Variants in SMG1 observed in about 807,000 individuals in gnomAD.
SMG1 encodes SMG1 nonsense mediated mRNA decay associated PI3K related kinase.
In SMG1, 22 loss-of-function variants were observed where a neutral mutation model predicts 419.9. The ratio of observed to expected loss-of-function variants is 0.05; its 90% confidence interval spans 0.04 to 0.07. The LOEUF is 0.07. Among genes scored for constraint, SMG1 ranks in the 10% least tolerant of loss-of-function variants. SMG1 has a pLI of 1.00. For missense variants in SMG1, 3,185 were observed against 4,342.0 expected (o/e 0.73, Z 7.49); for synonymous variants, 1,538 against 1,553.5 (o/e 0.99, Z 0.23).
In SMG1 at chr16:18,926,290, A is replaced by C; in HGVS notation, c.-249T>G. On this transcript the variant is annotated 5_prime_UTR_variant, in exon 1 of 63. Coordinates refer to ENST00000446231, the MANE Select transcript of SMG1 (RefSeq NM_015092.5). ...GAGCGGCGCGGTGAGAGAGAGGCGG[A>C]TGAAGGGGAGGCGACGTCTTTTCCA... 2.0e-6 allele frequency: 1 copy of C among 497,036 alleles called. No homozygotes were observed. Among genetic ancestry groups the C allele is most frequent in the Non-Finnish European group, 3.5e-6 (1 of 283,760 alleles). The allele number at this position is 497,036 out of a possible 1,614,324, so 30.8% of individuals were successfully genotyped here. A position where few individuals can be genotyped will look rare whatever the true frequency, so the allele number is the denominator to read the frequency against.
At chr16:18,844,919 A>C (rs954656660) in intron 39 of SMG1, among the ~76,000 whole-genome samples, 8 of 152,312 alleles carry the variant, frequency 5.3e-5, no homozygotes, top group Admixed American at 2.0e-4. Context: ...CAAAATATAA[A>C]AGATAAGGAT....
chr16:18,893,320 T>C (rs1394808923), intron 3 of SMG1, among the ~76,000 whole-genome samples: 1 of 152,232 alleles, frequency 6.6e-6, no homozygotes, highest in African/African-American at 2.4e-5. Flanking sequence ...ATAATAAAGA[T>C]GCCTTTAAAA....
rs536445713 is a variant in SMG1, at chr16:18,828,325, G to A, written c.9604-157C>T. On this transcript the variant is annotated intron_variant, in intron 54 of 62. Transcript: ENST00000446231. Reference sequence around the variant, plus strand: ...GGAGAAGTAACAGAAAAGACACACTGAAAAAAATCACATCCAGGTGAAAGA... The same window carrying A: ...GGAGAAGTAACAGAAAAGACACACTAAAAAAAATCACATCCAGGTGAAAGA... 3.3e-5 allele frequency among the ~76,000 whole-genome samples: 5 copies of A among 152,242 alleles called. No individual in the cohort carries two copies. The East Asian group carries it at 7.7e-4, about 23-fold the overall frequency.
chr16:18,816,827 A>G (rs1341204152), intron 57 of SMG1, among the ~76,000 whole-genome samples: 1 of 152,182 alleles, frequency 6.6e-6, no homozygotes, highest in African/African-American at 2.4e-5. Context: ...CCTAAATTCT[A>G]AATAACTCTT....
rs1555507998 is a variant in SMG1 at position 18,921,154 on chromosome 16, AAGAG to A, written c.92+4792_92+4795del. On this transcript the variant is annotated intron_variant, in intron 1 of 62. Coordinates refer to ENST00000446231, the MANE Select transcript of SMG1 (RefSeq NM_015092.5). ...CTCTGTCTCAAAAAAAAAAAAAAAA[AAGAG>A]AGAGAGAGAGAGGAAAAATAAATAA... Among the ~76,000 whole-genome samples, 1,097 of 143,444 alleles carry A rather than the reference AAGAG, an allele frequency of 7.6e-3. 5 individuals carry two copies. The highest frequency in any genetic ancestry group is 0.012 in the Non-Finnish European group (788 of 66,278). The allele number at this position is 143,444 out of a possible 152,430, so 94.1% of individuals were successfully genotyped here. A position where few individuals can be genotyped will look rare whatever the true frequency, so the allele number is the denominator to read the frequency against.
chr16:18,894,272 CTTAAAAG>C (rs2037016800), intron 3 of SMG1, among the ~76,000 whole-genome samples: 2 of 151,718 alleles, frequency 1.3e-5, no homozygotes, highest in South Asian at 4.2e-4. Context: ...GTATCCTGAA[CTTAAAAG>C]TTAAAAAAAA....
rs1290994058 is a variant in SMG1, at chr16:18,869,842, G to A, written c.2633+12C>T. On this transcript the variant is annotated intron_variant, in intron 19 of 62. Transcript: ENST00000446231. ...ATGTTTCCCAGATAAAAGAGTCAAAGAAATGCCTTACCCTGTTCTATGAGA... is the reference window on the plus strand; with the variant it reads ...ATGTTTCCCAGATAAAAGAGTCAAAAAAATGCCTTACCCTGTTCTATGAGA... The A allele has an allele frequency of 1.3e-6, 2 of 1,581,402 alleles. No homozygotes were observed. The highest frequency in any genetic ancestry group is 2.2e-5 in the South Asian group (2 of 90,424).
chr16:18,922,839 G>C (rs1428148954), intron 1 of SMG1, among the ~76,000 whole-genome samples: 2 of 152,022 alleles, frequency 1.3e-5, no homozygotes, highest in Non-Finnish European at 2.9e-5. Flanking sequence ...CAACACTTTG[G>C]GAGACTGAAG....
intron 46 of SMG1, 81 bp downstream of exon 46, chr16:18,837,172 C>G: frequency 8.2e-7 from 1 of 1,222,582 alleles, no homozygotes; most frequent in East Asian, 2.5e-5. Context: ...TACAATAATT[C>G]TAATCCATAT....
chr16:18,847,733 C>G (rs764759034), intron 37 of SMG1, 83 bp downstream of exon 37: 7 of 1,564,420 alleles, frequency 4.5e-6, no homozygotes, highest in Non-Finnish European at 6.1e-6. Flanking sequence ...GAACCCTGAC[C>G]AGTGATTGTC....
chr16:18,900,563 C>T (rs2037308352), intron 1 of SMG1, among the ~76,000 whole-genome samples: 1 of 152,056 alleles, frequency 6.6e-6, no homozygotes, highest in African/African-American at 2.4e-5. Context: ...ATAAAGCACC[C>T]CAAAATGACT....
rs1244136601 is a variant in SMG1 at position 18,849,392 on chromosome 16, A to T, written c.5462-14T>A. 4 of 1,604,814 alleles carry T rather than the reference A, an allele frequency of 2.5e-6. No homozygotes were observed. The African/African-American group carries it at 5.4e-5, about 22-fold the overall frequency. On this transcript the variant is annotated splice_polypyrimidine_tract_variant and intron_variant, in intron 35 of 62. Coordinates refer to ENST00000446231, the MANE Select transcript of SMG1 (RefSeq NM_015092.5). ...GCGGAATAATTCCTTCAGGACAAGA[A>T]GAGAGAAAGACACTTTAAAGTTATT...
chr16:18,918,428 C>T (rs979819684), intron 1 of SMG1, among the ~76,000 whole-genome samples: 4 of 152,206 alleles, frequency 2.6e-5, no homozygotes, highest in Non-Finnish European at 4.4e-5. Flanking sequence ...TGGTCTTATC[C>T]TAATTTTCTT....
At position 18,809,430 on chromosome 16, in the gene SMG1, C is replaced by A; in HGVS notation, c.*139G>T. 1.5e-6 allele frequency: 1 copy of A among 674,792 alleles called. No homozygotes were observed. Among genetic ancestry groups the A allele is most frequent in the South Asian group, 1.7e-5 (1 of 58,126 alleles). The allele number at this position is 674,792 out of a possible 1,614,324, so 41.8% of individuals were successfully genotyped here. On this transcript the variant is annotated 3_prime_UTR_variant, in exon 63 of 63. Coordinates refer to ENST00000446231, the MANE Select transcript of SMG1 (RefSeq NM_015092.5). Reference sequence around the variant, plus strand: ...CTGCGGGATTCACTTCCTAGTGCACCGAGATTTCCTAGGTTTCCTCAGAGT... The same window carrying A: ...CTGCGGGATTCACTTCCTAGTGCACAGAGATTTCCTAGGTTTCCTCAGAGT...
chr16:18,841,127 C>T (rs773865817), intron 41 of SMG1, among the ~76,000 whole-genome samples: 37 of 151,844 alleles, frequency 2.4e-4, no homozygotes, highest in Non-Finnish European at 1.0e-4. Flanking sequence ...AGGCCAGATG[C>T]GGTGGCTCAT....
intron 33 of SMG1, 127 bp downstream of exon 33, chr16:18,851,940 A>C (rs1281134136): frequency 1.0e-6 from 1 of 994,526 alleles, no homozygotes; most frequent in Non-Finnish European, 1.4e-6. Context: ...CTTAAAATGC[A>C]GAAGTTTTTA....
chr16:18,916,709 G>A (rs1043586847), intron 1 of SMG1, among the ~76,000 whole-genome samples: 3 of 151,692 alleles, frequency 2.0e-5, no homozygotes, highest in Non-Finnish European at 4.4e-5. Context: ...TCTATACAAG[G>A]GGAAGTATGT....
intron 41 of SMG1, among the ~76,000 whole-genome samples, chr16:18,841,217 T>C (rs1360854314): frequency 1.3e-5 from 2 of 152,096 alleles, no homozygotes; most frequent in African/African-American, 2.4e-5. Flanking sequence ...CTGAGCAACA[T>C]GGCAAAATCC....
At chr16:18,894,747 A>G (rs1398964431) in intron 3 of SMG1, among the ~76,000 whole-genome samples, 2 of 151,354 alleles carry the variant, frequency 1.3e-5, no homozygotes. Flanking sequence ...AAGCCCCATA[A>G]CTCAGCTTTA....
Sources: gnomAD v4.1 joint callset for allele counts (sites outside exome capture counted in the v4.1 genomes callset) on GRCh38, gnomAD v4.1.1 for gene constraint, MANE v1.5 for transcripts, NCBI Gene and HGNC (gene_info 2026-07-23, HGNC 2026-07-21) for gene names.